ST8SIA5: variants seen among roughly 807,000 people sequenced by gnomAD.
The protein encoded by ST8SIA5 is alpha-2,8-sialyltransferase 8E.
In ST8SIA5, 24 loss-of-function variants were observed where a neutral mutation model predicts 40.2. The observed-to-expected ratio is 0.60, with a 90% CI of 0.43 to 0.84. The LOEUF (loss-of-function observed/expected upper bound fraction) is 0.84, where lower values mean the gene tolerates loss of function less well. ST8SIA5 is among the 40% of genes least tolerant of loss of function. ST8SIA5 has a pLI of 0.00. For missense variants in ST8SIA5, 465 were observed against 498.5 expected, an observed-to-expected ratio of 0.93 and a Z score of 0.64; for synonymous variants, 198 against 201.8, an observed-to-expected ratio of 0.98 and a Z score of 0.16.
chr18:46,721,295 G>T, intron 1 of ST8SIA5: 1 of 1,384,390 alleles, frequency 7.2e-7, no homozygotes, highest in Non-Finnish European at 9.9e-7. Flanking sequence ...GGACAATGTG[G>T]CAGGGGCTGC....
At chr18:46,735,330 C>G (rs539072820) in intron 1 of ST8SIA5, among the ~76,000 whole-genome samples, 1 of 152,158 alleles carries the variant, frequency 6.6e-6, no homozygotes, top group African/African-American at 2.4e-5. Flanking sequence ...AATAAACTGC[C>G]CTTTATATAT....
chr18:46,742,145 A>C (rs2040092915), intron 1 of ST8SIA5, among the ~76,000 whole-genome samples: 1 of 151,956 alleles, frequency 6.6e-6, no homozygotes, highest in Non-Finnish European at 1.5e-5. Context: ...ATAAGAAAAA[A>C]CAAAACTTTT....
chr18:46,714,191 A>T (rs1265824079), intron 1 of ST8SIA5, among the ~76,000 whole-genome samples: 2 of 152,150 alleles, frequency 1.3e-5, no homozygotes, highest in Non-Finnish European at 2.9e-5. Flanking sequence ...CTTGGTGGCC[A>T]TCAAGTTGGG....
intron 1 of ST8SIA5, among the ~76,000 whole-genome samples, chr18:46,717,563 C>T (rs1173633174): frequency 1.3e-5 from 2 of 152,136 alleles, no homozygotes; most frequent in African/African-American, 4.8e-5. Context: ...ACCTCACCCC[C>T]ACCAACTGTC....
At chr18:46,696,080 C>G (rs2039554466) in intron 2 of ST8SIA5, among the ~76,000 whole-genome samples, 1 of 152,224 alleles carries the variant, frequency 6.6e-6, no homozygotes, top group Non-Finnish European at 1.5e-5. Flanking sequence ...GAACCTTGCA[C>G]AGAGACCTGA....
At chr18:46,704,925 A>G (rs949029790) in intron 1 of ST8SIA5, among the ~76,000 whole-genome samples, 5 of 152,204 alleles carry the variant, frequency 3.3e-5, no homozygotes, top group Non-Finnish European at 7.3e-5. Flanking sequence ...TTCAGCACAC[A>G]GGGAAATTCA....
chr18:46,751,965 C>T (rs1204696455), intron 1 of ST8SIA5, among the ~76,000 whole-genome samples: 1 of 152,164 alleles, frequency 6.6e-6, no homozygotes, highest in Admixed American at 6.5e-5. Context: ...AGACCCACAG[C>T]TGTCACCCTC....
At position 46,677,913 on chromosome 18, in the gene ST8SIA5, C is replaced by T. The variant is rs763504142; in HGVS notation, c.*2129G>A. On this transcript the variant is annotated 3_prime_UTR_variant, in exon 7 of 7. Transcript: ENST00000315087. ...CCCCAGGCATGACTTGACCCAGTCA[C>T]ATCTTTGCTCTGGGCCTGTTTCCTA... The T allele has an allele frequency of 1.3e-5, 2 of 152,258 alleles. No homozygotes were observed. The highest frequency in any genetic ancestry group is 2.4e-5 in the African/African-American group (1 of 41,478). The allele number at this position is 152,258 out of a possible 1,614,324, so 9.4% of individuals were successfully genotyped here.
In ST8SIA5 at chr18:46,679,618, T is replaced by G. The variant is rs1242846202; in HGVS notation, c.*424A>C. The G allele has an allele frequency of 4.7e-6, 1 of 211,214 alleles. No individual in the cohort carries two copies. Among genetic ancestry groups the G allele is most frequent in the Non-Finnish European group, 9.6e-6 (1 of 104,690 alleles). The allele number at this position is 211,214 out of a possible 1,614,324, so 13.1% of individuals were successfully genotyped here. A position where few individuals can be genotyped will look rare whatever the true frequency, so the allele number is the denominator to read the frequency against. On this transcript the variant is annotated 3_prime_UTR_variant, in exon 7 of 7. Transcript: ENST00000315087. ...ATCTTGACTGTGCTCAAGTGTCCTG[T>G]GAAGTGTCCTGTCTCCACTCTCAAT...
At position 46,679,792 on chromosome 18, in the gene ST8SIA5, C is replaced by T. The variant is rs2039367859; in HGVS notation, c.*250G>A. On this transcript the variant is annotated 3_prime_UTR_variant, in exon 7 of 7. Coordinates refer to ENST00000315087, the MANE Select transcript of ST8SIA5 (RefSeq NM_013305.6). ...GGGGTGTGGCCCAGCAGCATGCTAG[C>T]CAGGGCAGGTGGACGCACTGGGCGG... is the stretch of plus-strand genomic sequence containing the variant. 3.7e-6 allele frequency: 2 copies of T among 537,994 alleles called. No homozygotes were observed. The highest frequency in any genetic ancestry group is 6.6e-6 in the Non-Finnish European group (2 of 301,186). The allele number at this position is 537,994 out of a possible 1,614,324, so 33.3% of individuals were successfully genotyped here.
chr18:46,730,926 A>G (rs892775524), intron 1 of ST8SIA5, among the ~76,000 whole-genome samples: 5 of 152,190 alleles, frequency 3.3e-5, no homozygotes, highest in African/African-American at 9.7e-5. Flanking sequence ...GGCTGCACTG[A>G]GCTATGATTG....
intron 1 of ST8SIA5, chr18:46,721,299 G>A: frequency 6.9e-7 from 1 of 1,438,920 alleles, no homozygotes; most frequent in Non-Finnish European, 9.4e-7. Flanking sequence ...AATGTGGCAG[G>A]GGCTGCAGGG....
chr18:46,719,682 T>C (rs199689276), intron 1 of ST8SIA5, among the ~76,000 whole-genome samples: 1 of 107,162 alleles, frequency 9.3e-6, no homozygotes, highest in African/African-American at 3.4e-5. Flanking sequence ...TTCTTTTCTT[T>C]TTTCTTTCTT....
At chr18:46,733,931 A>C (rs1262574100) in intron 1 of ST8SIA5, among the ~76,000 whole-genome samples, 1 of 152,084 alleles carries the variant, frequency 6.6e-6, no homozygotes, top group African/African-American at 2.4e-5. Flanking sequence ...TGGAGGAGCC[A>C]AGAACTCAGC....
At chr18:46,699,052 GA>G (rs566129737) in intron 2 of ST8SIA5, among the ~76,000 whole-genome samples, 64 of 152,262 alleles carry the variant, frequency 4.2e-4, no homozygotes, top group Admixed American at 9.2e-4. Context: ...TTAATCTCTA[GA>G]AAAAGCTTCA....
chr18:46,721,776 T>C (rs1172443635), intron 1 of ST8SIA5, among the ~76,000 whole-genome samples: 1 of 152,194 alleles, frequency 6.6e-6, no homozygotes, highest in Non-Finnish European at 1.5e-5. Flanking sequence ...CTACCTCCTA[T>C]ACCGTGCCAT....
intron 3 of ST8SIA5, among the ~76,000 whole-genome samples, chr18:46,689,450 G>A (rs2144475964): frequency 6.6e-6 from 1 of 152,278 alleles, no homozygotes; most frequent in Admixed American, 6.5e-5. Context: ...CCAGTTGTGA[G>A]GCTACTGGAA....
At position 46,675,236 on chromosome 18, in the gene ST8SIA5, G is replaced by A. The variant is rs1568244471; in HGVS notation, c.*4806C>T. The A allele has an allele frequency of 6.6e-6, 1 of 152,254 alleles. No individual in the cohort carries two copies. Among genetic ancestry groups the A allele is most frequent in the East Asian group, 1.9e-4 (1 of 5,200 alleles). The allele number at this position is 152,254 out of a possible 1,614,324, so 9.4% of individuals were successfully genotyped here. A position where few individuals can be genotyped will look rare whatever the true frequency, so the allele number is the denominator to read the frequency against. ...CAAGTTTTGGGCCAAGGCAACCTGTGCTTGCTAGTGTCTAGTTTGTGCTGG... is the reference window on the plus strand; with the variant it reads ...CAAGTTTTGGGCCAAGGCAACCTGTACTTGCTAGTGTCTAGTTTGTGCTGG... On this transcript the variant is annotated 3_prime_UTR_variant, in exon 7 of 7. Coordinates refer to ENST00000315087, the MANE Select transcript of ST8SIA5 (RefSeq NM_013305.6).
chr18:46,742,016 C>T (rs1786771514), intron 1 of ST8SIA5, among the ~76,000 whole-genome samples: 1 of 151,888 alleles, frequency 6.6e-6, no homozygotes, highest in African/African-American at 2.4e-5. Context: ...GCATGAGAAT[C>T]ACTTGAACCC....
Sources: allele counts gnomAD v4.1 joint callset (sites outside exome capture counted in the v4.1 genomes callset), GRCh38; gene constraint gnomAD v4.1.1; transcripts MANE v1.5; gene names NCBI Gene and HGNC (gene_info 2026-07-23, HGNC 2026-07-21).